VWA8: variants seen among roughly 807,000 people sequenced by gnomAD.
VWA8 encodes the protein von Willebrand factor A domain-containing protein 8.
VWA8 carries 221 observed loss-of-function variants against 241.5 expected under a neutral mutation model. That is an observed-to-expected ratio of 0.91 (90% confidence interval 0.82 to 1.02). VWA8 has a LOEUF of 1.02. Ranked by LOEUF, VWA8 falls within the 50% of genes least tolerant of loss-of-function variation. The pLI is 0.00. For missense variants in VWA8, 2,322 were observed against 2,328.7 expected, an observed-to-expected ratio of 1.00 and a Z score of 0.06; for synonymous variants, 852 against 827.1, an observed-to-expected ratio of 1.03 and a Z score of -0.52.
intron 37 of VWA8, among the ~76,000 whole-genome samples, chr13:41,668,320 T>C (rs2045000092): frequency 6.6e-6 from 1 of 152,102 alleles, no homozygotes; most frequent in Non-Finnish European, 1.5e-5. Context: ...ATTTCCATGA[T>C]GTAAAAAGTA....
chr13:41,810,778 T>C (rs563782278), intron 17 of VWA8, among the ~76,000 whole-genome samples: 7 of 152,202 alleles, frequency 4.6e-5, no homozygotes, highest in Non-Finnish European at 1.0e-4. Context: ...ACGTTCATAA[T>C]GCAAAGAAAT....
chr13:41,574,738 A>G (rs1042507706), intron 43 of VWA8, among the ~76,000 whole-genome samples: 10 of 152,180 alleles, frequency 6.6e-5, no homozygotes, highest in African/African-American at 2.2e-4. Flanking sequence ...GACCAATGAG[A>G]CAGAATAGAG....
intron 1 of VWA8, among the ~76,000 whole-genome samples, chr13:41,959,852 C>A (rs1222080011): frequency 1.3e-5 from 2 of 151,968 alleles, no homozygotes; most frequent in Non-Finnish European, 2.9e-5. Flanking sequence ...CCGTGATCCG[C>A]CCGCCTCAGC....
At chr13:41,798,452 T>C (rs149419951) in intron 17 of VWA8, among the ~76,000 whole-genome samples, 259 of 152,304 alleles carry the variant, frequency 1.7e-3, no homozygotes, top group African/African-American at 5.9e-3. Flanking sequence ...TGATAGTTAT[T>C]TTCTCTCAAC....
chr13:41,697,807 C>G (rs1234145582), intron 29 of VWA8, among the ~76,000 whole-genome samples: 1 of 152,184 alleles, frequency 6.6e-6, no homozygotes, highest in Non-Finnish European at 1.5e-5. Flanking sequence ...GACCCCTGCT[C>G]TGCACAACCT....
chr13:41,832,146 A>T (rs931048730), intron 13 of VWA8, among the ~76,000 whole-genome samples: 5 of 149,896 alleles, frequency 3.3e-5, no homozygotes, highest in Non-Finnish European at 7.4e-5. Context: ...AGCCAGGATG[A>T]TCTCAATCTC....
intron 17 of VWA8, among the ~76,000 whole-genome samples, chr13:41,804,786 G>A (rs564625917): frequency 6.6e-6 from 1 of 152,254 alleles, no homozygotes; most frequent in African/African-American, 2.4e-5. Flanking sequence ...CAAAGTTAGA[G>A]TGTAGAGTTT....
intron 17 of VWA8, among the ~76,000 whole-genome samples, chr13:41,799,346 G>C (rs1032172763): frequency 6.6e-6 from 1 of 152,134 alleles, no homozygotes; most frequent in Non-Finnish European, 1.5e-5. Context: ...AGTTTTTCAT[G>C]TTAACTTAGT....
chr13:41,645,901 G>A (rs939842258), intron 37 of VWA8, among the ~76,000 whole-genome samples: 5 of 151,792 alleles, frequency 3.3e-5, no homozygotes, highest in Non-Finnish European at 7.4e-5. Flanking sequence ...GTATTTCCAG[G>A]AGGGCAAAGA....
chr13:41,594,018 T>C (rs1001490049), intron 40 of VWA8, among the ~76,000 whole-genome samples: 3 of 152,138 alleles, frequency 2.0e-5, no homozygotes, highest in Admixed American at 6.5e-5. Context: ...CCCCAAGGAC[T>C]CCCTACCCAA....
chr13:41,947,555 C>A (rs935319239), intron 2 of VWA8, among the ~76,000 whole-genome samples: 1 of 152,132 alleles, frequency 6.6e-6, no homozygotes, highest in Non-Finnish European at 1.5e-5. Flanking sequence ...AAAAGACAAA[C>A]AATAACAAGT....
intron 24 of VWA8, 59 bp from the exon 25 acceptor site, chr13:41,721,634 A>C (rs1211841409): frequency 2.6e-6 from 4 of 1,519,954 alleles, no homozygotes; most frequent in Non-Finnish European, 3.5e-6. Flanking sequence ...ATGTCACAGG[A>C]AAAAATGGAA....
intron 9 of VWA8, among the ~76,000 whole-genome samples, chr13:41,873,973 A>C (rs1873770237): frequency 6.6e-6 from 1 of 152,294 alleles, no homozygotes; most frequent in Admixed American, 6.5e-5. Context: ...GCATATCAAA[A>C]AGCTTATTCA....
intron 26 of VWA8, among the ~76,000 whole-genome samples, chr13:41,703,834 G>A (rs1446080448): frequency 6.7e-6 from 1 of 149,232 alleles, no homozygotes; most frequent in Non-Finnish European, 1.5e-5. Flanking sequence ...CTGGAGTGCA[G>A]TTGTGTGATA....
intron 1 of VWA8, among the ~76,000 whole-genome samples, chr13:41,956,927 T>TA (rs1347088778): frequency 2.6e-5 from 4 of 152,250 alleles, no homozygotes; most frequent in South Asian, 2.1e-4. Flanking sequence ...CCCATTTCTT[T>TA]AAAAAAATGT....
intron 15 of VWA8, among the ~76,000 whole-genome samples, chr13:41,818,346 T>A (rs1486854875): frequency 3.2e-5 from 4 of 125,790 alleles, no homozygotes; most frequent in Non-Finnish European, 6.9e-5. Context: ...CAAGGGGGGG[T>A]GGATCAATTG....
At chr13:41,603,471 T>C (rs7995815) in intron 40 of VWA8, among the ~76,000 whole-genome samples, 71,691 of 152,012 alleles carry the variant, frequency 0.47, 17,806 homozygotes, top group South Asian at 0.66. Flanking sequence ...AGCATAGTCC[T>C]CAACAAATAC....
intron 4 of VWA8, among the ~76,000 whole-genome samples, chr13:41,901,645 A>G (rs1875430670): frequency 6.6e-6 from 1 of 151,904 alleles, no homozygotes; most frequent in Admixed American, 6.6e-5. Flanking sequence ...AGGTATGCGG[A>G]TCACCTGAGG....
At chr13:41,745,509 A>G (rs2045598803) in intron 21 of VWA8, among the ~76,000 whole-genome samples, 1 of 152,316 alleles carries the variant, frequency 6.6e-6, no homozygotes, top group Middle Eastern at 3.4e-3. Flanking sequence ...ACAAATTTAC[A>G]AGAAAAAATC....
Sources: gnomAD v4.1 joint callset for allele counts (sites outside exome capture counted in the v4.1 genomes callset) on GRCh38, gnomAD v4.1.1 for gene constraint, MANE v1.5 for transcripts, NCBI Gene and HGNC (gene_info 2026-07-23, HGNC 2026-07-21) for gene names.